The following DSE variants were observed in gnomAD, a reference collection of about 807,000 sequenced individuals.
The protein encoded by DSE is dermatan-sulfate epimerase.
Under a neutral mutation model 84.4 loss-of-function variants are expected in DSE, and 36 were observed. That is an observed-to-expected ratio of 0.43 (90% CI 0.33 to 0.56). DSE has a LOEUF of 0.56. Ranked by LOEUF, DSE falls within the 20% of genes least tolerant of loss-of-function variation. The pLI is 0.06. For synonymous variants in DSE, 410 were observed against 430.1 expected, an observed-to-expected ratio of 0.95 and a Z score of 0.58; for missense variants, 862 against 1,169.6, an observed-to-expected ratio of 0.74 and a Z score of 3.84.
chr6:116,357,456 C>G (rs948283731), intron 2 of DSE, among the ~76,000 whole-genome samples: 8 of 151,490 alleles, frequency 5.3e-5, no homozygotes, highest in African/African-American at 9.7e-5. Flanking sequence ...GGCATGAACC[C>G]AGGAGGCAGA....
chr6:116,290,367 A>C (rs1013314237), intron 2 of DSE, among the ~76,000 whole-genome samples: 7 of 152,150 alleles, frequency 4.6e-5, no homozygotes, highest in African/African-American at 1.7e-4. Flanking sequence ...AGCCATGGAA[A>C]CTTTAATTAT....
chr6:116,420,560 A>G (rs1408398362), intron 2 of DSE, among the ~76,000 whole-genome samples: 1 of 152,210 alleles, frequency 6.6e-6, no homozygotes, highest in South Asian at 2.1e-4. Flanking sequence ...CCATGCGGGC[A>G]CCCTGATGTC....
chr6:116,426,227 G>C (rs1241530339), intron 2 of DSE, among the ~76,000 whole-genome samples: 2 of 152,180 alleles, frequency 1.3e-5, no homozygotes, highest in African/African-American at 2.4e-5. Context: ...GGTGAGCACT[G>C]GTTAAATGGG....
chr6:116,376,939 A>G (rs1313761008), intron 1 of DSE, among the ~76,000 whole-genome samples: 2 of 152,198 alleles, frequency 1.3e-5, no homozygotes, highest in African/African-American at 2.4e-5. Flanking sequence ...AACTGAATGT[A>G]TGTGTCTGCA....
At chr6:116,352,404 T>A (rs1488669770) in intron 2 of DSE, among the ~76,000 whole-genome samples, 1 of 152,120 alleles carries the variant, frequency 6.6e-6, no homozygotes, top group Non-Finnish European at 1.5e-5. Flanking sequence ...ATTCCTCAAA[T>A]GATAAAATAC....
At chr6:116,298,461 G>C (rs1474402573) in intron 2 of DSE, among the ~76,000 whole-genome samples, 1 of 152,206 alleles carries the variant, frequency 6.6e-6, no homozygotes, top group Non-Finnish European at 1.5e-5. Flanking sequence ...GCCATTGTTA[G>C]TTTTGAAGAC....
chr6:116,416,270 C>G (rs1299157945), intron 2 of DSE, among the ~76,000 whole-genome samples: 3 of 151,790 alleles, frequency 2.0e-5, no homozygotes, highest in Non-Finnish European at 4.4e-5. Flanking sequence ...TCCCTTTGCC[C>G]CAGTGGAAGG....
intron 2 of DSE, among the ~76,000 whole-genome samples, chr6:116,288,999 A>C (rs541640876): frequency 6.6e-6 from 1 of 152,086 alleles, no homozygotes; most frequent in Non-Finnish European, 1.5e-5. Flanking sequence ...ACTGGCTCAC[A>C]TAACATAAAA....
rs1333754724 is a variant in DSE, at chr6:116,436,227, T to C, written c.1759T>C (p.Phe587Leu). ...TCCCTTGGAGACAGCAGCGAGCTTC[T>C]TCCATAATGTGGATGTTCCTTTTGA... ...ESPLETAASF[F>L]HNVDVPFEET... Residue 587 changes from phenylalanine to leucine, a missense_variant, in exon 6 of 6, where the codon TTC (phenylalanine) becomes CTC (leucine). Around this residue, in one of 4 missense-constraint regions of DSE, gnomAD observed 186 missense variants for 255.1 expected, o/e 0.73. Coordinates refer to ENST00000644252, the MANE Select transcript of DSE (RefSeq NM_013352.4). 6.2e-7 allele frequency: 1 copy of C among 1,614,144 alleles called. No homozygotes were observed. Among genetic ancestry groups the C allele is most frequent in the Admixed American group, 1.7e-5 (1 of 60,002 alleles).
chr6:116,304,638 G>A (rs1775237650), intron 2 of DSE, among the ~76,000 whole-genome samples: 1 of 152,160 alleles, frequency 6.6e-6, no homozygotes, highest in African/African-American at 2.4e-5. Context: ...GGGGGATTGT[G>A]GCACTGGTAC....
chr6:116,370,474 G>A, upstream of DSE: 2 of 986,892 alleles, frequency 2.0e-6, no homozygotes, highest in Non-Finnish European at 2.4e-6. Context: ...GGAGGAGGCA[G>A]ACTGGAGTGG....
chr6:116,289,756 C>CA (rs1460910351), intron 2 of DSE, among the ~76,000 whole-genome samples: 1 of 151,934 alleles, frequency 6.6e-6, no homozygotes, highest in African/African-American at 2.4e-5. Context: ...TTATGGTATC[C>CA]AGCTTAATAC....
At chr6:116,309,557 A>G (rs1342282559) in intron 2 of DSE, among the ~76,000 whole-genome samples, 2 of 152,228 alleles carry the variant, frequency 1.3e-5, no homozygotes, top group East Asian at 1.9e-4. Context: ...AAATAACACA[A>G]TAGTTATTGT....
At chr6:116,299,396 ATAAT>A (rs1350878675) in intron 2 of DSE, among the ~76,000 whole-genome samples, 1 of 151,598 alleles carries the variant, frequency 6.6e-6, no homozygotes, top group East Asian at 1.9e-4. Flanking sequence ...GAAGTTATCT[ATAAT>A]TAATTATGAG....
At chr6:116,334,281 C>T (rs1203638693) in intron 2 of DSE, among the ~76,000 whole-genome samples, 3 of 152,200 alleles carry the variant, frequency 2.0e-5, no homozygotes, top group African/African-American at 7.2e-5. Flanking sequence ...CTTGAAATCA[C>T]TCTGCTACCT....
In DSE at chr6:116,439,558, A is replaced by G. The variant is rs1342816258; in HGVS notation, c.*2213A>G. ...AAATCACCCCTCTTCATAATGAAAC[A>G]TGTTTTTTTTAATCAGGGATAGTGC... is the stretch of plus-strand genomic sequence containing the variant. On this transcript the variant is annotated 3_prime_UTR_variant, in exon 6 of 6. Coordinates refer to ENST00000644252, the MANE Select transcript of DSE (RefSeq NM_013352.4). 6.6e-6 allele frequency: 1 copy of G among 152,042 alleles called. No homozygotes were observed. The highest frequency in any genetic ancestry group is 1.5e-5 in the Non-Finnish European group (1 of 67,976). 9.4% of individuals were successfully genotyped at this position (152,042 alleles called of 1,614,324 possible). A position where few individuals can be genotyped will look rare whatever the true frequency, so the allele number is the denominator to read the frequency against.
rs139084130 is a variant in DSE, at chr6:116,432,161, A to G, written c.910+968A>G. On this transcript the variant is annotated intron_variant, in intron 4 of 5. Transcript: ENST00000644252. Reference sequence around the variant, plus strand: ...AGAGGCCTGTTTTGCAATTCATCCTAGTAAACAAAGGCTACCTGAAGCAAG... The same window carrying G: ...AGAGGCCTGTTTTGCAATTCATCCTGGTAAACAAAGGCTACCTGAAGCAAG... Among the ~76,000 whole-genome samples, 793 of 152,328 alleles carry G rather than the reference A, an allele frequency of 5.2e-3. 4 individuals carry two copies. The highest frequency in any genetic ancestry group is 8.2e-3 in the Non-Finnish European group (556 of 68,020).
chr6:116,266,238 G>C (rs1447499746), intron 2 of DSE, among the ~76,000 whole-genome samples: 1 of 152,212 alleles, frequency 6.6e-6, no homozygotes, highest in African/African-American at 2.4e-5. Flanking sequence ...TAGTCATCCA[G>C]GAGGTGTGAA....
At chr6:116,317,609 G>A (rs992059006) in intron 2 of DSE, among the ~76,000 whole-genome samples, 5 of 152,066 alleles carry the variant, frequency 3.3e-5, no homozygotes, top group Admixed American at 6.5e-5. Flanking sequence ...AAACAAAAGG[G>A]GTGTGTGTGT....
Sources: allele counts gnomAD v4.1 joint callset (sites outside exome capture counted in the v4.1 genomes callset), GRCh38; gene constraint gnomAD v4.1.1; regional missense constraint gnomAD v4.1.1; transcripts MANE v1.5; gene names NCBI Gene and HGNC (gene_info 2026-07-23, HGNC 2026-07-21).